CUX1: variants seen among roughly 807,000 people sequenced by gnomAD.
CUX1 encodes the protein cut like homeobox 1.
CUX1 carries 31 observed loss-of-function variants against 158.8 expected under a neutral mutation model. The observed-to-expected ratio is 0.20, with a 90% confidence interval of 0.15 to 0.26. CUX1 has a LOEUF of 0.26. Among genes scored for constraint, CUX1 ranks in the 10% least tolerant of loss-of-function variants. CUX1 has a pLI of 1.00. For synonymous variants in CUX1, 879 were observed against 862.1 expected, an observed-to-expected ratio of 1.02 and a Z score of -0.34; for missense variants, 1,589 against 2,014.6, an observed-to-expected ratio of 0.79 and a Z score of 4.04.
In CUX1 at chr7:102,248,710, G is replaced by C; in HGVS notation, c.4186G>C (p.Val1396Leu). ...CGACGACGACCACGAGGGAGGCCCC[G>C]TGGAAGGCCCGGGGCCCCTGCCCAG... ...ARDDDHEGGP[V>L]EGPGPLPSPA... The change falls in exon 24 of 24, where the codon GTG becomes CTG. Residue 1396 changes from valine to leucine, a missense_variant. Around this residue, in one of 8 missense-constraint regions of CUX1, gnomAD observed 344 missense variants for 323.7 expected, o/e 1.06. Transcript: ENST00000292535. This position sits in a 1 kb window ranked among gnomAD's most constrained non-coding sequence, Gnocchi z 5.8. The C allele has an allele frequency of 8.2e-7, 1 of 1,223,702 alleles. No homozygotes were observed. Among genetic ancestry groups the C allele is most frequent in the Non-Finnish European group, 1.0e-6 (1 of 977,784 alleles). The allele number at this position is 1,223,702 out of a possible 1,614,324, so 75.8% of individuals were successfully genotyped here. A position where few individuals can be genotyped will look rare whatever the true frequency, so the allele number is the denominator to read the frequency against.
chr7:101,966,320 A>G (rs112235358), intron 2 of CUX1, among the ~76,000 whole-genome samples: 1 of 144,390 alleles, frequency 6.9e-6, no homozygotes, highest in African/African-American at 2.6e-5. Flanking sequence ...TTTTTTTTTT[A>G]AAGGATCCTT....
intron 8 of CUX1, among the ~76,000 whole-genome samples, chr7:102,150,637 C>T (rs1339946042): frequency 1.3e-5 from 2 of 152,222 alleles, no homozygotes; most frequent in African/African-American, 4.8e-5. Context: ...CGATGCCACG[C>T]GTTAGCCCCC....
chr7:101,826,616 C>T (rs184038675), intron 1 of CUX1, among the ~76,000 whole-genome samples: 44 of 152,286 alleles, frequency 2.9e-4, no homozygotes, highest in African/African-American at 1.0e-3. Flanking sequence ...ACTGGCAGGA[C>T]GAGGCTGGGA....
chr7:102,134,844 C>T (rs782122649), intron 8 of CUX1, among the ~76,000 whole-genome samples: 5 of 152,128 alleles, frequency 3.3e-5, no homozygotes, highest in Non-Finnish European at 7.3e-5. Context: ...GATCCTCCCA[C>T]CTCTCCCTCC....
At chr7:102,095,168 T>A (rs1225173754) in intron 4 of CUX1, among the ~76,000 whole-genome samples, 1 of 151,534 alleles carries the variant, frequency 6.6e-6, no homozygotes, top group Non-Finnish European at 1.5e-5. Context: ...CCTGGCTAGT[T>A]TTTTGGTTTG....
downstream of CUX1, among the ~76,000 whole-genome samples, chr7:102,258,563 T>C (rs1790136497): frequency 6.6e-6 from 1 of 152,184 alleles, no homozygotes; most frequent in African/African-American, 2.4e-5. Flanking sequence ...TCCGCTTCCT[T>C]TTCTGTAAAA....
chr7:101,828,307 C>T (rs1420811811), intron 1 of CUX1, among the ~76,000 whole-genome samples: 1 of 152,062 alleles, frequency 6.6e-6, no homozygotes, highest in Non-Finnish European at 1.5e-5. Context: ...AAAAAAAAAT[C>T]TGCGTGTAAG....
rs782792685 is a variant in CUX1, at chr7:102,196,725, G to A, written c.1314G>A (p.Pro438=). 2.4e-5 allele frequency: 38 copies of A among 1,612,278 alleles called. No homozygotes were observed. The highest frequency in any genetic ancestry group is 3.1e-5 in the Non-Finnish European group (37 of 1,178,740). Residue 438 remains proline (P), a synonymous_variant, in exon 15 of 24, where the codon CCG becomes CCA. Transcript: ENST00000292535. Reference sequence around the variant, plus strand: ...CTCCTTCTCAGTTGCCCCGCAACCCGGGGGAGCAGGCTTCCAATACTAATG... The same window carrying A: ...CTCCTTCTCAGTTGCCCCGCAACCCAGGGGAGCAGGCTTCCAATACTAATG... The part of the protein sequence containing the change: ...APPPSQLPRN[P]GEQASNTNGT...
chr7:102,063,062 C>T (rs1825111475), intron 3 of CUX1, among the ~76,000 whole-genome samples: 1 of 151,880 alleles, frequency 6.6e-6, no homozygotes, highest in Admixed American at 6.6e-5. Context: ...CAAGATCGCA[C>T]CATTGCACTC....
chr7:102,077,332 C>T (rs1826872437), intron 4 of CUX1, among the ~76,000 whole-genome samples: 2 of 151,730 alleles, frequency 1.3e-5, no homozygotes, highest in South Asian at 2.1e-4. Flanking sequence ...GAAAAGGACC[C>T]AGCAGCAGCC....
chr7:102,121,431 C>T (rs1214502654), intron 8 of CUX1, among the ~76,000 whole-genome samples: 1 of 151,908 alleles, frequency 6.6e-6, no homozygotes, highest in Non-Finnish European at 1.5e-5. Context: ...CGGCATCCTC[C>T]GCCTCCCGGG....
At chr7:101,848,015 G>A (rs377198471) in intron 1 of CUX1, among the ~76,000 whole-genome samples, 34 of 123,876 alleles carry the variant, frequency 2.7e-4, no homozygotes, top group African/African-American at 9.1e-4. Flanking sequence ...CCAAGATCAC[G>A]CCATTGCACT....
At chr7:102,229,761 G>A (rs936242421) in intron 21 of CUX1, among the ~76,000 whole-genome samples, 2 of 151,906 alleles carry the variant, frequency 1.3e-5, no homozygotes, top group Non-Finnish European at 2.9e-5. Flanking sequence ...GGGATTACAG[G>A]TGCCCACCAC....
chr7:102,275,763 CTT>C (rs1791563792), intron 17 of CUX1, among the ~76,000 whole-genome samples: 1 of 152,144 alleles, frequency 6.6e-6, no homozygotes, highest in African/African-American at 2.4e-5. Context: ...AATCCCAACA[CTT>C]TGGGAGGCTG....
At chr7:102,132,422 A>G (rs1833394681) in intron 8 of CUX1, among the ~76,000 whole-genome samples, 1 of 151,984 alleles carries the variant, frequency 6.6e-6, no homozygotes, top group Non-Finnish European at 1.5e-5. Flanking sequence ...AGACATTTCT[A>G]CTATGAGCAT....
At chr7:101,827,348 C>G (rs1325314682) in intron 1 of CUX1, among the ~76,000 whole-genome samples, 1 of 151,038 alleles carries the variant, frequency 6.6e-6, no homozygotes, top group Non-Finnish European at 1.5e-5. Flanking sequence ...TTCTGTCACC[C>G]AGGTTAGAGT....
intron 1 of CUX1, among the ~76,000 whole-genome samples, chr7:101,914,247 T>C (rs564265602): frequency 2.6e-4 from 40 of 152,286 alleles, no homozygotes; most frequent in African/African-American, 9.1e-4. Flanking sequence ...AAGAGTGTGG[T>C]GTGGTGGTAT....
chr7:102,269,592 T>TC (rs1791066943), intron 14 of CUX1, among the ~76,000 whole-genome samples: 1 of 147,866 alleles, frequency 6.8e-6, no homozygotes. Context: ...TTTTTTTTTT[T>TC]TTTGTATTTT....
At position 101,866,864 on chromosome 7, in the gene CUX1, A is replaced by G. The variant is rs144579930; in HGVS notation, c.30+49195A>G. 5.4e-3 allele frequency among the ~76,000 whole-genome samples: 829 copies of G among 152,358 alleles called. 10 individuals are homozygous for G. The highest frequency in any genetic ancestry group is 0.019 in the African/African-American group (800 of 41,588). On this transcript the variant is annotated intron_variant, in intron 1 of 23. Coordinates refer to ENST00000292535, the MANE Select transcript of CUX1 (RefSeq NM_181552.4). ...CTTCAAAACCTACAAAGGCGGCGCC[A>G]TGGCATATAGGAATATAGGAATAAG...
Sources: gnomAD v4.1 joint callset for allele counts (sites outside exome capture counted in the v4.1 genomes callset) on GRCh38, gnomAD v4.1.1 for gene constraint, gnomAD v4.1.1 regional missense constraint, Gnocchi (gnomAD v3.1) non-coding constraint, MANE v1.5 for transcripts, NCBI Gene and HGNC (gene_info 2026-07-23, HGNC 2026-07-21) for gene names.